CCDC171: variants seen among roughly 807,000 people sequenced by gnomAD.
The protein encoded by CCDC171 is coiled-coil domain-containing protein 171.
Under a neutral mutation model 168.2 loss-of-function variants are expected in CCDC171, and 177 were observed. The ratio of observed to expected loss-of-function variants is 1.05; its 90% confidence interval spans 0.93 to 1.19. The LOEUF is 1.19. CCDC171 is among the 50% of genes most tolerant of loss of function. The pLI is 0.00. For synonymous variants in CCDC171, 687 were observed against 540.8 expected (o/e 1.27, Z -3.75); for missense variants, 1,991 against 1,539.0 (o/e 1.29, Z -4.91).
At chr9:15,743,057 G>A (rs909628396) in intron 16 of CCDC171, among the ~76,000 whole-genome samples, 1 of 151,298 alleles carries the variant, frequency 6.6e-6, no homozygotes, top group African/African-American at 2.4e-5. Context: ...GGGATTATAG[G>A]TGTGAGCCCT....
chr9:15,830,488 A>G (rs10962176), intron 21 of CCDC171, among the ~76,000 whole-genome samples: 9,224 of 152,296 alleles, frequency 0.061, 394 homozygotes, highest in Non-Finnish European at 0.095. Context: ...ACCCTATAAC[A>G]GCTGCCTGGC....
At chr9:15,860,519 G>A (rs1051044353) in intron 23 of CCDC171, among the ~76,000 whole-genome samples, 4 of 151,482 alleles carry the variant, frequency 2.6e-5, no homozygotes, top group African/African-American at 7.3e-5. Context: ...TTCTTATGCC[G>A]CTGGTTGTTC....
intron 3 of CCDC171, among the ~76,000 whole-genome samples, chr9:15,989,837 G>T (rs189427312): frequency 1.1e-3 from 167 of 152,218 alleles, no homozygotes; most frequent in African/African-American, 4.0e-3. Context: ...AGTGATTGAA[G>T]ATCAAATGAA....
At chr9:15,854,465 T>G (rs1439012598) in intron 23 of CCDC171, among the ~76,000 whole-genome samples, 2 of 151,644 alleles carry the variant, frequency 1.3e-5, no homozygotes, top group Non-Finnish European at 3.0e-5. Flanking sequence ...TTTAGTAATT[T>G]AGTAACTTTT....
intron 18 of CCDC171, among the ~76,000 whole-genome samples, chr9:15,750,934 T>A (rs1462073557): frequency 6.6e-6 from 1 of 152,098 alleles, no homozygotes; most frequent in Non-Finnish European, 1.5e-5. Flanking sequence ...GCCAGGACAA[T>A]CAGGCAAGAG....
intron 3 of CCDC171, among the ~76,000 whole-genome samples, chr9:15,980,619 T>C (rs1831761448): frequency 6.6e-6 from 1 of 152,198 alleles, no homozygotes. Flanking sequence ...AGATCTGTTC[T>C]TCAACCCTTT....
intron 16 of CCDC171, among the ~76,000 whole-genome samples, chr9:15,740,791 T>G (rs1331859305): frequency 6.6e-6 from 1 of 152,176 alleles, no homozygotes; most frequent in East Asian, 1.9e-4. Flanking sequence ...TGTTCCCCTC[T>G]CATTCCTCTT....
chr9:15,752,527 A>T (rs542730742), intron 18 of CCDC171, among the ~76,000 whole-genome samples: 2 of 152,202 alleles, frequency 1.3e-5, no homozygotes, highest in African/African-American at 4.8e-5. Context: ...GATAAAGAAA[A>T]TGTGGCATAT....
intron 6 of CCDC171, 64 bp from the exon 7 acceptor site, chr9:15,623,203 G>C: frequency 8.4e-7 from 1 of 1,195,534 alleles, no homozygotes; most frequent in South Asian, 2.0e-5. Flanking sequence ...GTCTTCTATT[G>C]GAGTGACTCT....
intron 3 of CCDC171, among the ~76,000 whole-genome samples, chr9:16,005,872 T>TA (rs1418341757): frequency 6.6e-6 from 1 of 152,180 alleles, no homozygotes; most frequent in East Asian, 1.9e-4. Context: ...ATGGTAACTT[T>TA]ATGTTTAACC....
chr9:15,943,980 T>C (rs1828011337), intron 25 of CCDC171, among the ~76,000 whole-genome samples: 3 of 152,048 alleles, frequency 2.0e-5, no homozygotes, highest in Admixed American at 1.3e-4. Flanking sequence ...GGGAGAACTA[T>C]GTGAACCGAA....
At position 15,829,652 on chromosome 9, in the gene CCDC171, G is replaced by C. The variant is rs559435808; in HGVS notation, c.3268-17050G>C. Among the ~76,000 whole-genome samples the C allele has an allele frequency of 1.1e-3, 167 of 152,266 alleles. 1 individual carries two copies. Among genetic ancestry groups the C allele is most frequent in the African/African-American group, 3.9e-3 (164 of 41,542 alleles). On this transcript the variant is annotated intron_variant, in intron 21 of 25. Transcript: ENST00000380701. ...AGAACTATGTAGGCTGGGCATGGTGGCTCACACCTGTAATCCCAGCACTTT... is the reference window on the plus strand; with the variant it reads ...AGAACTATGTAGGCTGGGCATGGTGCCTCACACCTGTAATCCCAGCACTTT...
intron 1 of CCDC171, among the ~76,000 whole-genome samples, chr9:15,556,408 C>T (rs1423673981): frequency 6.6e-6 from 1 of 152,110 alleles, no homozygotes; most frequent in Non-Finnish European, 1.5e-5. Flanking sequence ...CCTGTTGTTT[C>T]CTGACTTTTT....
chr9:15,671,672 T>C (rs1195640664), intron 9 of CCDC171, among the ~76,000 whole-genome samples: 2 of 142,192 alleles, frequency 1.4e-5, no homozygotes, highest in Non-Finnish European at 3.1e-5. Flanking sequence ...TCCATGTCGC[T>C]GCAAAGGACG....
chr9:15,581,004 G>T (rs1194175369), intron 4 of CCDC171, among the ~76,000 whole-genome samples: 1 of 152,200 alleles, frequency 6.6e-6, no homozygotes, highest in East Asian at 1.9e-4. Context: ...TCTGTTTGCA[G>T]ATGACATGAC....
intron 21 of CCDC171, among the ~76,000 whole-genome samples, chr9:15,795,332 C>T (rs191664700): frequency 1.8e-4 from 27 of 152,236 alleles, no homozygotes; most frequent in Non-Finnish European, 1.5e-5. Flanking sequence ...CCCTGATGAC[C>T]TAATCACCTC....
At chr9:15,585,055 A>C (rs1433502637) in intron 4 of CCDC171, among the ~76,000 whole-genome samples, 1 of 152,212 alleles carries the variant, frequency 6.6e-6, no homozygotes, top group Admixed American at 6.5e-5. Context: ...GTTACTAAAC[A>C]CCTATCAGGT....
the CCDC171 span, among the ~76,000 whole-genome samples, chr9:16,076,808 C>G: frequency 2.6e-5 from 4 of 152,286 alleles, no homozygotes; most frequent in East Asian, 7.7e-4. Context: ...GTGTGAACAA[C>G]TAAATCTATT....
intron 1 of CCDC171, among the ~76,000 whole-genome samples, chr9:15,553,761 G>GTC (rs2038536915): frequency 6.6e-6 from 1 of 152,174 alleles, no homozygotes; most frequent in Non-Finnish European, 1.5e-5. Context: ...AGGACTCTGA[G>GTC]AGACTTAGAA....
Sources: gnomAD v4.1 joint callset for allele counts (sites outside exome capture counted in the v4.1 genomes callset) on GRCh38, gnomAD v4.1.1 for gene constraint, MANE v1.5 for transcripts, NCBI Gene and HGNC (gene_info 2026-07-23, HGNC 2026-07-21) for gene names.